The following HFM1 variants were observed in gnomAD, a reference collection of about 807,000 sequenced individuals.
HFM1 encodes the protein helicase for meiosis 1, also known as probable ATP-dependent DNA helicase HFM1.
HFM1 carries 169 observed loss-of-function variants against 192.1 expected under a neutral mutation model. The observed-to-expected ratio is 0.88, with a 90% CI of 0.78 to 1.00. HFM1 has a LOEUF of 1.00. HFM1 is among the 50% of genes least tolerant of loss of function. The pLI is 0.00. For missense variants in HFM1, 1,661 were observed against 1,668.0 expected (o/e 1.00, Z 0.07); for synonymous variants, 525 against 537.8 (o/e 0.98, Z 0.33).
At chr1:91,375,234 C>A in intron 13 of HFM1, 124 bp downstream of exon 13, 1 of 634,896 alleles carries the variant, frequency 1.6e-6, no homozygotes, top group Non-Finnish European at 2.8e-6. Context: ...TTATCATTAT[C>A]CTTATTTTAT....
intron 30 of HFM1, among the ~76,000 whole-genome samples, chr1:91,312,058 C>T (rs1420710905): frequency 6.6e-6 from 1 of 152,148 alleles, no homozygotes; most frequent in African/African-American, 2.4e-5. Context: ...TGGGAACCTC[C>T]ACCTGGATTT....
intron 4 of HFM1, among the ~76,000 whole-genome samples, chr1:91,389,132 GTTTTTT>G (rs34874992): frequency 2.3e-4 from 19 of 82,528 alleles, no homozygotes; most frequent in South Asian, 5.1e-4. Flanking sequence ...TTTTTGTTGG[GTTTTTT>G]TTTTTTTTTT....
chr1:91,387,542 T>C (rs1185715404), intron 4 of HFM1, among the ~76,000 whole-genome samples: 2 of 151,286 alleles, frequency 1.3e-5, no homozygotes, highest in Admixed American at 6.6e-5. Context: ...CGTTACCGTT[T>C]GACAGGTGTA....
intron 34 of HFM1, among the ~76,000 whole-genome samples, chr1:91,269,483 C>A (rs1370614810): frequency 6.6e-6 from 1 of 152,130 alleles, no homozygotes; most frequent in Non-Finnish European, 1.5e-5. Flanking sequence ...CTTTAAATAT[C>A]TTCTATGAAT....
intron 3 of HFM1, 39 bp downstream of exon 3, chr1:91,396,254 G>T: frequency 2.0e-6 from 2 of 992,068 alleles, no homozygotes; most frequent in Non-Finnish European, 3.1e-6. Context: ...GCCATGAACT[G>T]TATGGGTTTG....
At chr1:91,295,380 T>C (rs1570832205) in intron 30 of HFM1, among the ~76,000 whole-genome samples, 1 of 152,122 alleles carries the variant, frequency 6.6e-6, no homozygotes, top group African/African-American at 2.4e-5. Flanking sequence ...GTTGGTAGGG[T>C]TGGTATCTCC....
At chr1:91,373,925 T>C (rs1323111270) in intron 13 of HFM1, among the ~76,000 whole-genome samples, 2 of 152,104 alleles carry the variant, frequency 1.3e-5, no homozygotes, top group Admixed American at 1.3e-4. Context: ...CCTCAAGAAG[T>C]TGATAATCTA....
At chr1:91,391,218 C>G in intron 4 of HFM1, among the ~76,000 whole-genome samples, 1 of 152,332 alleles carries the variant, frequency 6.6e-6, no homozygotes, top group South Asian at 2.1e-4. Context: ...ATCAAGCTAC[C>G]AATGACTTTC....
chr1:91,267,033 A>T (rs1285119655), intron 35 of HFM1, among the ~76,000 whole-genome samples: 1 of 152,220 alleles, frequency 6.6e-6, no homozygotes, highest in African/African-American at 2.4e-5. Context: ...TGGAAATACC[A>T]GTCTGCACTG....
At chr1:91,351,443 T>C (rs957370271) in intron 17 of HFM1, 106 bp downstream of exon 17, 1 of 610,278 alleles carries the variant, frequency 1.6e-6, no homozygotes, top group Non-Finnish European at 2.9e-6. Context: ...TTACAGAAAA[T>C]TGCCTTAAAA....
chr1:91,271,715 G>A (rs1385101724), intron 34 of HFM1, among the ~76,000 whole-genome samples: 1 of 152,034 alleles, frequency 6.6e-6, no homozygotes, highest in African/African-American at 2.4e-5. Flanking sequence ...GCAGAGACAG[G>A]GAAATATATA....
At chr1:91,355,063 T>G (rs1414321342) in intron 13 of HFM1, among the ~76,000 whole-genome samples, 1 of 152,102 alleles carries the variant, frequency 6.6e-6, no homozygotes, top group Non-Finnish European at 1.5e-5. Flanking sequence ...TATAAAAAGA[T>G]GTAAACTGTG....
chr1:91,277,909 T>A (rs368236540), intron 30 of HFM1, among the ~76,000 whole-genome samples: 7 of 25,372 alleles, frequency 2.8e-4, no homozygotes, highest in Admixed American at 8.8e-4. Context: ...TTATATATAA[T>A]ATATACACTA....
Position 91,338,260 on chromosome 1 carries a change from G to C in HFM1, c.2335+5170C>G, listed in dbSNP as rs72970310. On this transcript the variant is annotated intron_variant, in intron 20 of 38. Coordinates refer to ENST00000370425, the MANE Select transcript of HFM1 (RefSeq NM_001017975.6). ...GCCCAAAGGGTTTGGCACAGGAATG[G>C]CTACAGTGGAGTACAGTCAGGAATG... Among the ~76,000 whole-genome samples, 384 of 152,320 alleles carry C rather than the reference G, an allele frequency of 2.5e-3. 3 individuals are homozygous for C. The highest frequency in any genetic ancestry group is 8.6e-3 in the African/African-American group (357 of 41,578).
chr1:91,280,196 AG>A lies in HFM1; in HGVS notation c.3392-3135del, dbSNP rs536144372. Among the ~76,000 whole-genome samples the A allele has an allele frequency of 1.9e-3, 290 of 152,292 alleles. 2 individuals are homozygous for A. Among genetic ancestry groups the A allele is most frequent in the African/African-American group, 6.8e-3 (282 of 41,572 alleles). On this transcript the variant is annotated intron_variant, in intron 30 of 38. Transcript: ENST00000370425. ...GGTAACAGGTGAAGCTGTTCTGGTC[AG>A]GAACGTTGGGCTGAGCACTGAAGAA...
intron 30 of HFM1, among the ~76,000 whole-genome samples, chr1:91,289,634 C>A (rs1293573938): frequency 6.6e-6 from 1 of 152,160 alleles, no homozygotes; most frequent in East Asian, 1.9e-4. Context: ...CTGAGGCTGG[C>A]AGAACACTCG....
intron 20 of HFM1, among the ~76,000 whole-genome samples, chr1:91,330,005 G>A (rs750000627): frequency 1.3e-5 from 2 of 152,200 alleles, no homozygotes; most frequent in Non-Finnish European, 2.9e-5. Flanking sequence ...GAACTGCTGA[G>A]AGAAGATAGG....
intron 34 of HFM1, among the ~76,000 whole-genome samples, chr1:91,270,803 AC>A (rs1557755148): frequency 6.6e-6 from 1 of 152,152 alleles, no homozygotes; most frequent in Non-Finnish European, 1.5e-5. Context: ...AATGGCCTGA[AC>A]AAAAACAGCT....
intron 30 of HFM1, among the ~76,000 whole-genome samples, chr1:91,302,788 G>C (rs529171427): frequency 1.3e-4 from 20 of 150,830 alleles, no homozygotes; most frequent in African/African-American, 3.2e-4. Flanking sequence ...GTTGTGGGGT[G>C]GGGGGGAGGG....
Sources: allele counts gnomAD v4.1 joint callset (sites outside exome capture counted in the v4.1 genomes callset), GRCh38; gene constraint gnomAD v4.1.1; transcripts MANE v1.5; gene names NCBI Gene and HGNC (gene_info 2026-07-23, HGNC 2026-07-21).